Variants in BBX observed in about 807,000 individuals in gnomAD.
BBX encodes BBX high mobility group box domain containing, also known as HMG box transcription factor BBX.
BBX carries 30 observed loss-of-function variants against 100.2 expected under a neutral mutation model. The ratio of observed to expected loss-of-function variants is 0.30; its 90% confidence interval spans 0.22 to 0.41. The LOEUF (loss-of-function observed/expected upper bound fraction) is 0.41, where lower values mean the gene tolerates loss of function less well. Ranked by LOEUF, BBX falls within the 10% of genes least tolerant of loss-of-function variation. BBX has a pLI of 1.00. For missense variants in BBX, 1,023 were observed against 1,129.8 expected, an observed-to-expected ratio of 0.91 and a Z score of 1.35; for synonymous variants, 376 against 388.1, an observed-to-expected ratio of 0.97 and a Z score of 0.37.
rs879528309 is a variant in BBX, at chr3:107,809,977, C to T, written c.*4520C>T. 7 of 152,176 alleles carry T rather than the reference C, an allele frequency of 4.6e-5. No homozygotes were observed. The highest frequency in any genetic ancestry group is 9.6e-5 in the African/African-American group (4 of 41,530). The allele number at this position is 152,176 out of a possible 1,614,324, so 9.4% of individuals were successfully genotyped here. A position where few individuals can be genotyped will look rare whatever the true frequency, so the allele number is the denominator to read the frequency against. ...AGTTCATCTTACCAGATGTGTCTGG[C>T]GAAGTATTCAGGGTTTGATGGACTG... On this transcript the variant is annotated 3_prime_UTR_variant, in exon 18 of 18. Coordinates refer to ENST00000325805, the MANE Select transcript of BBX (RefSeq NM_001142568.3).
chr3:107,702,359 T>C (rs943518916), intron 3 of BBX, among the ~76,000 whole-genome samples: 4 of 152,252 alleles, frequency 2.6e-5, no homozygotes, highest in Non-Finnish European at 4.4e-5. Context: ...TTACATTGCC[T>C]TGTCAATTTG....
At chr3:107,523,972 GAA>G (rs1334325606) in intron 1 of BBX, 1 of 147,772 alleles carries the variant, frequency 6.8e-6, no homozygotes, top group Admixed American at 6.7e-5. Flanking sequence ...AGGGGAGAGA[GAA>G]GAGGGAGGGA....
chr3:107,553,499 T>C (rs575143870), intron 2 of BBX, among the ~76,000 whole-genome samples: 11 of 152,174 alleles, frequency 7.2e-5, no homozygotes, highest in Non-Finnish European at 1.2e-4. Flanking sequence ...TTTTAACGTA[T>C]GGGCTAAAGG....
At chr3:107,689,211 T>C (rs1246630242) in intron 3 of BBX, among the ~76,000 whole-genome samples, 1 of 152,236 alleles carries the variant, frequency 6.6e-6, no homozygotes, top group Non-Finnish European at 1.5e-5. Flanking sequence ...GTACAAAATG[T>C]CTTTTGAATT....
At chr3:107,577,726 C>A (rs1168982453) in intron 2 of BBX, among the ~76,000 whole-genome samples, 1 of 151,892 alleles carries the variant, frequency 6.6e-6, no homozygotes, top group African/African-American at 2.4e-5. Context: ...AAAATTAATG[C>A]CTGAAGTTCA....
At chr3:107,639,239 AG>A (rs1483080415) in intron 2 of BBX, among the ~76,000 whole-genome samples, 1 of 152,154 alleles carries the variant, frequency 6.6e-6, no homozygotes, top group Non-Finnish European at 1.5e-5. Flanking sequence ...CTGACGTGAA[AG>A]GAGCCCAGGG....
chr3:107,593,942 T>C (rs2053507603), intron 2 of BBX, among the ~76,000 whole-genome samples: 1 of 152,156 alleles, frequency 6.6e-6, no homozygotes, highest in Non-Finnish European at 1.5e-5. Context: ...AGAAATAGAA[T>C]TGCAGTTCAG....
intron 8 of BBX, among the ~76,000 whole-genome samples, chr3:107,745,227 G>A (rs1198886987): frequency 6.6e-6 from 1 of 152,176 alleles, no homozygotes; most frequent in Non-Finnish European, 1.5e-5. Context: ...AAGAGATGGT[G>A]TATAAAAGCA....
intron 2 of BBX, among the ~76,000 whole-genome samples, chr3:107,615,152 C>G (rs750618421): frequency 1.4e-4 from 22 of 152,120 alleles, no homozygotes; most frequent in Non-Finnish European, 2.8e-4. Context: ...GGTGTTTCAA[C>G]AAGCTGGCTG....
intron 2 of BBX, among the ~76,000 whole-genome samples, chr3:107,594,936 A>G (rs1168897526): frequency 6.6e-6 from 1 of 152,020 alleles, no homozygotes; most frequent in South Asian, 2.1e-4. Context: ...ATTTGCTCAC[A>G]GTTATTATGT....
intron 2 of BBX, among the ~76,000 whole-genome samples, chr3:107,574,379 T>C (rs758929070): frequency 6.6e-6 from 1 of 152,146 alleles, no homozygotes; most frequent in Non-Finnish European, 1.5e-5. Context: ...TTTCACTCTT[T>C]GCAATTTAGC....
At chr3:107,702,210 A>C (rs1026231062) in intron 3 of BBX, among the ~76,000 whole-genome samples, 1 of 152,368 alleles carries the variant, frequency 6.6e-6, no homozygotes, top group Middle Eastern at 3.4e-3. Flanking sequence ...TGAAACTATA[A>C]GAGAGCCAGT....
At chr3:107,636,462 C>T (rs1262927290) in intron 2 of BBX, among the ~76,000 whole-genome samples, 1 of 152,096 alleles carries the variant, frequency 6.6e-6, no homozygotes, top group African/African-American at 2.4e-5. Flanking sequence ...AATAAAGTTT[C>T]TACATGAGAC....
chr3:107,767,706 C>G (rs2066509452), intron 10 of BBX, among the ~76,000 whole-genome samples: 1 of 152,084 alleles, frequency 6.6e-6, no homozygotes, highest in African/African-American at 2.4e-5. Context: ...AAGAAGAAAA[C>G]AGGGAATTAT....
At chr3:107,792,645 T>G (rs1350367979) in intron 15 of BBX, among the ~76,000 whole-genome samples, 1 of 152,226 alleles carries the variant, frequency 6.6e-6, no homozygotes, top group Non-Finnish European at 1.5e-5. Flanking sequence ...TGGAATATTC[T>G]GCTTCAGTGC....
chr3:107,557,571 A>G (rs1337585470), intron 2 of BBX, among the ~76,000 whole-genome samples: 2 of 152,230 alleles, frequency 1.3e-5, no homozygotes, highest in Non-Finnish European at 2.9e-5. Context: ...ACATGTGAAC[A>G]TTTGATACTT....
Position 107,595,688 on chromosome 3 carries a change from G to A in BBX, c.-83-50148G>A, listed in dbSNP as rs531401248. Among the ~76,000 whole-genome samples, 225 of 152,230 alleles carry A rather than the reference G, an allele frequency of 1.5e-3. 1 individual carries two copies. Among genetic ancestry groups the A allele is most frequent in the Non-Finnish European group, 2.7e-3 (183 of 68,008 alleles). ...CAGACTGAAGTTTTGTATGGAACAC[G>A]TATAGTTAAATTGTTCTATACCTTA... On this transcript the variant is annotated intron_variant, in intron 2 of 17. Transcript: ENST00000325805.
At chr3:107,558,204 C>A (rs1287284772) in intron 2 of BBX, among the ~76,000 whole-genome samples, 8 of 152,200 alleles carry the variant, frequency 5.3e-5, no homozygotes, top group Non-Finnish European at 1.2e-4. Context: ...AGGGGGCTAT[C>A]TTGGCCGGGC....
chr3:107,774,993 C>A, intron 12 of BBX, 136 bp downstream of exon 12: 3 of 984,870 alleles, frequency 3.0e-6, no homozygotes, highest in Non-Finnish European at 4.3e-6. Context: ...TCTTAGTAGG[C>A]ACCCTAGTGA....
Sources: gnomAD v4.1 joint callset for allele counts (sites outside exome capture counted in the v4.1 genomes callset) on GRCh38, gnomAD v4.1.1 for gene constraint, MANE v1.5 for transcripts, NCBI Gene and HGNC (gene_info 2026-07-23, HGNC 2026-07-21) for gene names.